The following PLCXD3 variants were observed in gnomAD, a reference collection of about 807,000 sequenced individuals.
PLCXD3 encodes phosphatidylinositol specific phospholipase C X domain containing 3, also known as PI-PLC X domain-containing protein 3.
In PLCXD3, 19 loss-of-function variants were observed where a neutral mutation model predicts 25.5. That is an observed-to-expected ratio of 0.75 (90% confidence interval 0.52 to 1.09). The LOEUF is 1.09. PLCXD3 is among the 50% of genes least tolerant of loss of function. PLCXD3 has a pLI of 0.00. For missense variants in PLCXD3, 411 were observed against 388.1 expected (o/e 1.06, Z -0.50); for synonymous variants, 174 against 137.6 (o/e 1.26, Z -1.85).
intron 1 of PLCXD3, among the ~76,000 whole-genome samples, chr5:41,394,095 TAGAC>T (rs1365350860): frequency 4.6e-5 from 7 of 151,970 alleles, no homozygotes; most frequent in African/African-American, 1.7e-4. Context: ...TTTCAAGACA[TAGAC>T]AGTATAATAA....
rs534973135 is a variant in PLCXD3 at position 41,368,019 on chromosome 5, G to C, written c.812+13807C>G. On this transcript the variant is annotated intron_variant, in intron 2 of 2. Transcript: ENST00000377801. ...TCTATGTGTCTGTTTTTGGGAATGG[G>C]AATAACTTTGAATCTATAAATTGCT... Among the ~76,000 whole-genome samples, 7 of 151,866 alleles carry C rather than the reference G, an allele frequency of 4.6e-5. No individual in the cohort carries two copies. In the East Asian group the frequency reaches 1.4e-3, roughly 29 times the overall value.
chr5:41,473,460 AT>A (rs1748213452), intron 1 of PLCXD3, among the ~76,000 whole-genome samples: 1 of 151,538 alleles, frequency 6.6e-6, no homozygotes, highest in Non-Finnish European at 1.5e-5. Context: ...TAATTAATTA[AT>A]TAATAATAAT....
intron 2 of PLCXD3, among the ~76,000 whole-genome samples, chr5:41,325,039 A>T (rs1261823211): frequency 1.3e-5 from 2 of 152,172 alleles, no homozygotes; most frequent in Non-Finnish European, 2.9e-5. Flanking sequence ...CTCAGAAGTT[A>T]AAATTTCTAG....
chr5:41,491,032 G>T (rs1277607935), intron 1 of PLCXD3, among the ~76,000 whole-genome samples: 2 of 152,172 alleles, frequency 1.3e-5, no homozygotes, highest in African/African-American at 2.4e-5. Flanking sequence ...ATGTTAGGTT[G>T]TCAATTTTGG....
intron 2 of PLCXD3, among the ~76,000 whole-genome samples, chr5:41,363,704 T>G (rs1744853082): frequency 6.6e-6 from 1 of 152,230 alleles, no homozygotes; most frequent in Non-Finnish European, 1.5e-5. Context: ...TTACCTTATC[T>G]GCTAAACTTG....
intron 1 of PLCXD3, among the ~76,000 whole-genome samples, chr5:41,419,303 C>T (rs1430703102): frequency 2.6e-5 from 4 of 151,986 alleles, no homozygotes; most frequent in African/African-American, 4.8e-5. Context: ...TCCAAGGCTT[C>T]GTGATAATAA....
rs1491284489 is a variant in PLCXD3, at chr5:41,312,685, T to TTTCCTTTCCTTTCCTTCC, written c.*931_*932insGGAAGGAAAGGAAAGGAA. 9.6e-6 allele frequency: 1 copy of TTTCCTTTCCTTTCCTTCC among 104,678 alleles called. No homozygotes were observed. Among genetic ancestry groups the TTTCCTTTCCTTTCCTTCC allele is most frequent in the African/African-American group, 3.5e-5 (1 of 28,340 alleles). The allele number at this position is 104,678 out of a possible 1,614,324, so 6.5% of individuals were successfully genotyped here. A position where few individuals can be genotyped will look rare whatever the true frequency, so the allele number is the denominator to read the frequency against. On this transcript the variant is annotated 3_prime_UTR_variant, in exon 3 of 3. Coordinates refer to ENST00000377801, the MANE Select transcript of PLCXD3 (RefSeq NM_001005473.3). ...CTTCCTCCCTCCCTTCCTTTCTTCCTTTCCTTCCTTCCTTCCTTCCTTCCT... is the reference window on the plus strand; with the variant it reads ...CTTCCTCCCTCCCTTCCTTTCTTCCTTTCCTTTCCTTTCCTTCCTTCCTTCCTTCCTTCCTTCCTTCCT...
At chr5:41,445,604 C>T (rs989466779) in intron 1 of PLCXD3, among the ~76,000 whole-genome samples, 1 of 152,048 alleles carries the variant, frequency 6.6e-6, no homozygotes. Context: ...TCAGAATTTT[C>T]TTTGAGGAAG....
In PLCXD3 at chr5:41,404,186, C is replaced by G. The variant is rs148458258; in HGVS notation, c.104-21652G>C. On this transcript the variant is annotated intron_variant, in intron 1 of 2. Coordinates refer to ENST00000377801, the MANE Select transcript of PLCXD3 (RefSeq NM_001005473.3). ...AAATTTACAGTCAGTCAGTAACTCA[C>G]TGTTTAATACTCGAGGATCATCAAA... 3.1e-4 allele frequency among the ~76,000 whole-genome samples: 47 copies of G among 152,210 alleles called. No homozygotes were observed. The East Asian group carries it at 5.2e-3, about 17-fold the overall frequency.
intron 2 of PLCXD3, among the ~76,000 whole-genome samples, chr5:41,352,063 C>G (rs1341444319): frequency 1.3e-5 from 2 of 152,160 alleles, no homozygotes; most frequent in Non-Finnish European, 2.9e-5. Context: ...TGCAAGCTAA[C>G]AAGGCCAGAC....
At chr5:41,464,325 C>T (rs1002837649) in intron 1 of PLCXD3, among the ~76,000 whole-genome samples, 1 of 152,034 alleles carries the variant, frequency 6.6e-6, no homozygotes, top group Admixed American at 6.6e-5. Context: ...TCAGTGAGTT[C>T]CAAACTCTTT....
At chr5:41,463,522 G>A (rs751551325) in intron 1 of PLCXD3, among the ~76,000 whole-genome samples, 23 of 151,906 alleles carry the variant, frequency 1.5e-4, no homozygotes, top group African/African-American at 5.6e-4. Context: ...GGACACAAAC[G>A]TTCAATCCAT....
At chr5:41,361,671 G>C (rs1441910992) in intron 2 of PLCXD3, among the ~76,000 whole-genome samples, 1 of 152,126 alleles carries the variant, frequency 6.6e-6, no homozygotes, top group African/African-American at 2.4e-5. Context: ...ATAAATAAAA[G>C]GATGAATAAA....
At chr5:41,387,621 T>C (rs949002813) in intron 1 of PLCXD3, among the ~76,000 whole-genome samples, 10 of 152,112 alleles carry the variant, frequency 6.6e-5, no homozygotes, top group Admixed American at 5.9e-4. Context: ...AGTAAGTTAG[T>C]CTCTCTGTGT....
intron 1 of PLCXD3, among the ~76,000 whole-genome samples, chr5:41,408,598 A>T (rs900544698): frequency 6.6e-6 from 1 of 152,192 alleles, no homozygotes; most frequent in Non-Finnish European, 1.5e-5. Flanking sequence ...ACATTTATTA[A>T]TAAGTTTTGT....
chr5:41,446,176 C>CAA lies in PLCXD3; in HGVS notation c.104-63644_104-63643dup, dbSNP rs70988847. Among the ~76,000 whole-genome samples the CAA allele has an allele frequency of 5.4e-3, 207 of 38,116 alleles. 8 individuals are homozygous for CAA. The highest frequency in any genetic ancestry group is 7.1e-3 in the African/African-American group (91 of 12,738). 25.0% of individuals were successfully genotyped at this position (38,116 alleles called of 152,430 possible). A position where few individuals can be genotyped will look rare whatever the true frequency, so the allele number is the denominator to read the frequency against. On this transcript the variant is annotated intron_variant, in intron 1 of 2. Transcript: ENST00000377801. ...TGGGCGACGGAGCCAGACTCCTTCT[C>CAA]AAAAAAAAAAAAAAAAAAAAAAAAA...
intron 1 of PLCXD3, among the ~76,000 whole-genome samples, chr5:41,438,304 A>G (rs1404760984): frequency 1.3e-5 from 2 of 152,238 alleles, no homozygotes; most frequent in Non-Finnish European, 2.9e-5. Flanking sequence ...ATAACATGCT[A>G]ATGATAGAGA....
At chr5:41,418,213 A>G (rs1190401207) in intron 1 of PLCXD3, among the ~76,000 whole-genome samples, 2 of 152,206 alleles carry the variant, frequency 1.3e-5, no homozygotes, top group Non-Finnish European at 2.9e-5. Flanking sequence ...TTGAAAGAGG[A>G]AGAAATTATT....
At chr5:41,430,864 A>G (rs530582018) in intron 1 of PLCXD3, among the ~76,000 whole-genome samples, 2 of 152,096 alleles carry the variant, frequency 1.3e-5, no homozygotes, top group South Asian at 2.1e-4. Flanking sequence ...GAAAAACAGG[A>G]GAATTTGATT....
Sources: gnomAD v4.1 joint callset for allele counts (sites outside exome capture counted in the v4.1 genomes callset) on GRCh38, gnomAD v4.1.1 for gene constraint, MANE v1.5 for transcripts, NCBI Gene and HGNC (gene_info 2026-07-23, HGNC 2026-07-21) for gene names.